MED23: variants seen among roughly 807,000 people sequenced by gnomAD.
The protein encoded by MED23 is mediator of RNA polymerase II transcription subunit 23.
In MED23, 105 loss-of-function variants were observed where a neutral mutation model predicts 163.9. The ratio of observed to expected loss-of-function variants is 0.64; its 90% CI spans 0.55 to 0.75. The LOEUF (loss-of-function observed/expected upper bound fraction) is 0.75. Ranked by LOEUF, MED23 falls within the 30% of genes least tolerant of loss-of-function variation. The probability of loss-of-function intolerance (pLI) is 0.00; values close to 1 mark genes in which losing one functional copy is unlikely to be tolerated. For missense variants in MED23, 1,054 were observed against 1,649.0 expected (o/e 0.64, Z 6.25); for synonymous variants, 561 against 565.6 (o/e 0.99, Z 0.12).
chr6:131,603,006 A>G, intron 16 of MED23, 24 bp downstream of exon 16: 1 of 1,611,548 alleles, frequency 6.2e-7, no homozygotes, highest in Non-Finnish European at 8.5e-7. Flanking sequence ...AATCTTAAGG[A>G]AAGATGGTCT....
At chr6:131,619,066 A>G (rs1430666085) in intron 8 of MED23, among the ~76,000 whole-genome samples, 1 of 152,160 alleles carries the variant, frequency 6.6e-6, no homozygotes, top group Non-Finnish European at 1.5e-5. Context: ...GATGTCCTAC[A>G]AGCACCTCAA....
chr6:131,582,825 ACACACATGCC>A (rs1774004063), downstream of MED23: 1 of 920,014 alleles, frequency 1.1e-6, no homozygotes, highest in Non-Finnish European at 1.8e-6. Context: ...ACACACACAC[ACACACATGCC>A]CACACACATA....
chr6:131,618,605 C>T, intron 8 of MED23, 86 bp from the exon 9 acceptor site: 1 of 867,534 alleles, frequency 1.2e-6, no homozygotes, highest in South Asian at 1.4e-5. Context: ...AACATATATG[C>T]TGAAATAGGC....
At chr6:131,582,097 T>A (rs1476698624), downstream of MED23, among the ~76,000 whole-genome samples, 1 of 152,204 alleles carries the variant, frequency 6.6e-6, no homozygotes, top group Non-Finnish European at 1.5e-5. Context: ...AACCTCCTTA[T>A]GTTAAATGCT....
chr6:131,610,333 G>A, intron 10 of MED23, 87 bp from the exon 11 acceptor site: 1 of 1,295,476 alleles, frequency 7.7e-7, no homozygotes, highest in Admixed American at 1.9e-5. Context: ...ATTGTAACAA[G>A]AGGCTGAGAA....
rs1341775180 is a variant in MED23 at position 131,602,333 on chromosome 6, C to T, written c.1980G>A (p.Glu660=). 7 of 1,613,792 alleles carry T rather than the reference C, an allele frequency of 4.3e-6. No individual in the cohort carries two copies. The highest frequency in any genetic ancestry group is 5.9e-6 in the Non-Finnish European group (7 of 1,179,794). Residue 660 remains glutamate, a synonymous_variant, in exon 17 of 29, where the codon GAG becomes GAA. Transcript: ENST00000368068. ...LRLITALGSS[E]VQPQFTRFLS... Reference sequence around the variant, plus strand: ...GGAAGCGTGTAAACTGCGGTTGTACCTCTGAGCTACCTAATGCTGTTATAA... The same window carrying T: ...GGAAGCGTGTAAACTGCGGTTGTACTTCTGAGCTACCTAATGCTGTTATAA...
chr6:131,608,205 T>C (rs1004051457), intron 11 of MED23, 134 bp from the exon 12 acceptor site: 1 of 916,124 alleles, frequency 1.1e-6, no homozygotes, highest in African/African-American at 1.7e-5. Flanking sequence ...GCATCTAACT[T>C]TGGCACTTAG....
rs904884112 is a variant in MED23, at chr6:131,579,070, T to C, written c.4096-4775A>G. 5 of 1,604,050 alleles carry C rather than the reference T, an allele frequency of 3.1e-6. No individual in the cohort carries two copies. In the Admixed American group the frequency reaches 8.3e-5, roughly 27 times the overall value. ...TCATCCTACACAGACTGATTTATAA[T>C]CTACTTTTTAATTTAGTAACTCAAA... On this transcript the variant is annotated intron_variant, in intron 30 of 30. Coordinates refer to the MED23 transcript ENST00000354577.
rs774324863 is a variant in MED23, at chr6:131,596,673, C to T, written c.2623G>A (p.Glu875Lys). The T allele has an allele frequency of 1.2e-6, 2 of 1,613,998 alleles. No homozygotes were observed. The highest frequency in any genetic ancestry group is 1.1e-5 in the South Asian group (1 of 91,058). ...TAACAAACCTGGGCTTCATTTCCTT[C>T]GTGACTACGCATGGCCTTTGAAAAA... Reference protein sequence around the residue: ...LILCLAMRSHEGNEAQVCYFI... With the variant: ...LILCLAMRSHKGNEAQVCYFI... The change falls in exon 21 of 29, where the codon GAA (glutamate) becomes AAA (lysine). Residue 875 changes from glutamate to lysine, a missense_variant. By Grantham distance (56) the Glu-to-Lys change is moderately conservative. Around this residue, in one of 11 missense-constraint regions of MED23, gnomAD observed 228 missense variants for 461.3 expected, o/e 0.49. Coordinates refer to ENST00000368068, the MANE Select transcript of MED23 (RefSeq NM_004830.4).
intron 28 of MED23, among the ~76,000 whole-genome samples, chr6:131,589,034 A>G (rs1157351174): frequency 6.6e-6 from 1 of 152,046 alleles, no homozygotes; most frequent in Non-Finnish European, 1.5e-5. Context: ...TCTAGTCAGG[A>G]TTAGTCTAGA....
At position 131,610,229 on chromosome 6, in the gene MED23, A is replaced by G; in HGVS notation, c.894T>C (p.Pro298=). 1 of 1,613,908 alleles carries G rather than the reference A, an allele frequency of 6.2e-7. No homozygotes were observed. Among genetic ancestry groups the G allele is most frequent in the South Asian group, 1.1e-5 (1 of 91,076 alleles). ...GLNKQHKQRC[P]VLEDQLVDLV... ...GATCCACCAACTGGTCCTCCAGCAC[A>G]GGGCAGCGCTGCTTGTGCTGTAGGG... Residue 298 remains proline, a synonymous_variant, in exon 11 of 29, where the codon CCT becomes CCC. Transcript: ENST00000368068.
intron 10 of MED23, among the ~76,000 whole-genome samples, chr6:131,614,847 T>C (rs1776543689): frequency 6.6e-6 from 1 of 152,106 alleles, no homozygotes; most frequent in South Asian, 2.1e-4. Context: ...GTTTTTGTTT[T>C]AAGGCAAAGC....
At chr6:131,591,628 T>C in intron 25 of MED23, 101 bp from the exon 26 acceptor site, 1 of 940,306 alleles carries the variant, frequency 1.1e-6, no homozygotes, top group Non-Finnish European at 1.7e-6. Flanking sequence ...AGTTTTCTAT[T>C]TTTCCAGCTT....
intron 8 of MED23, among the ~76,000 whole-genome samples, chr6:131,619,221 T>C (rs1034733797): frequency 6.6e-6 from 1 of 152,220 alleles, no homozygotes; most frequent in African/African-American, 2.4e-5. Context: ...ATTTGTATTT[T>C]CAGTATCTAG....
Position 131,607,928 on chromosome 6 carries a change from T to C in MED23, c.1221A>G (p.Glu407=), listed in dbSNP as rs1440064514. ...TGAATAGTTACTCAGTAAAGCTTAC[T>C]TCTTTTTCTGGGTATAGCAAGTCGA... ...KLFDLLYPEK[E]YIPVPDINKP... The change falls in exon 12 of 29, where the codon GAA becomes GAG. Residue 407 remains glutamate (E), a splice_region_variant and synonymous_variant. Transcript: ENST00000368068. The C allele has an allele frequency of 1.9e-6, 3 of 1,613,716 alleles. No individual in the cohort carries two copies. In the East Asian group the frequency reaches 6.7e-5, roughly 36 times the overall value.
chr6:131,578,629 CTGTG>C (rs757077112), intron 30 of MED23, among the ~76,000 whole-genome samples: 20 of 151,578 alleles, frequency 1.3e-4, no homozygotes, highest in African/African-American at 3.4e-4. Context: ...CTTTGTGTGT[CTGTG>C]TGTGTGTGTA....
chr6:131,583,828 G>GT, downstream of MED23: 1 of 1,614,142 alleles, frequency 6.2e-7, no homozygotes. Context: ...GAACACAGCA[G>GT]TTGCAATAAC....
At chr6:131,583,681 T>A (rs561880971), downstream of MED23, 55 of 1,573,674 alleles carry the variant, frequency 3.5e-5, no homozygotes, top group African/African-American at 7.4e-4. Flanking sequence ...CAAGTCTGTC[T>A]GTACTACTTT....
chr6:131,586,420 G>GAGTAAGTCTGC (rs1299027313), downstream of MED23, among the ~76,000 whole-genome samples: 1 of 150,712 alleles, frequency 6.6e-6, no homozygotes, highest in Non-Finnish European at 1.5e-5. Context: ...AAAAAGAAAA[G>GAGTAAGTCTGC]AGTAAGTCTG....
Sources: allele counts gnomAD v4.1 joint callset (sites outside exome capture counted in the v4.1 genomes callset), GRCh38; gene constraint gnomAD v4.1.1; regional missense constraint gnomAD v4.1.1; transcripts MANE v1.5; gene names NCBI Gene and HGNC (gene_info 2026-07-23, HGNC 2026-07-21).